MGAT5: variants seen among roughly 807,000 people sequenced by gnomAD.
MGAT5 encodes the protein alpha-1,6-mannosylglycoprotein 6-beta-N-acetylglucosaminyltransferase A.
A neutral mutation model predicts 94.3 loss-of-function variants in MGAT5; 30 were observed. The observed-to-expected ratio is 0.32, with a 90% CI of 0.24 to 0.43. The LOEUF is 0.43. MGAT5 is among the 20% of genes least tolerant of loss of function. The pLI is 1.00. For synonymous variants in MGAT5, 310 were observed against 322.9 expected (o/e 0.96, Z 0.43); for missense variants, 691 against 905.5 (o/e 0.76, Z 3.04).
chr2:134,258,704 T>C (rs1683135091), intron 1 of MGAT5, among the ~76,000 whole-genome samples: 1 of 152,240 alleles, frequency 6.6e-6, no homozygotes, highest in South Asian at 2.1e-4. Flanking sequence ...ACATAAAATG[T>C]AGCATTTCTC....
chr2:134,305,888 A>G (rs1686299910), intron 2 of MGAT5, among the ~76,000 whole-genome samples: 1 of 152,196 alleles, frequency 6.6e-6, no homozygotes, highest in African/African-American at 2.4e-5. Flanking sequence ...ACTCGAGAAT[A>G]TAATACAGTT....
intron 1 of MGAT5, among the ~76,000 whole-genome samples, chr2:134,131,506 G>A (rs1303275885): frequency 6.7e-6 from 1 of 148,828 alleles, no homozygotes; most frequent in East Asian, 2.0e-4. Flanking sequence ...TTAAAATAAT[G>A]TAAAACCTCT....
intron 4 of MGAT5, among the ~76,000 whole-genome samples, chr2:134,324,783 G>A (rs895040512): frequency 3.3e-5 from 5 of 151,942 alleles, no homozygotes; most frequent in African/African-American, 1.2e-4. Flanking sequence ...AAATATCACC[G>A]GATTGTTGCC....
chr2:134,264,024 T>TTTTG (rs1683513541), intron 1 of MGAT5, among the ~76,000 whole-genome samples: 1 of 142,886 alleles, frequency 7.0e-6, no homozygotes, highest in East Asian at 2.1e-4. Flanking sequence ...TAGGTTTTTT[T>TTTTG]TTTTTTTTTT....
chr2:134,370,210 A>G (rs895037820), intron 10 of MGAT5, among the ~76,000 whole-genome samples: 32 of 152,244 alleles, frequency 2.1e-4, no homozygotes, highest in Non-Finnish European at 4.4e-5. Flanking sequence ...GTTTTAATGA[A>G]CCACCCAAGA....
intron 10 of MGAT5, among the ~76,000 whole-genome samples, chr2:134,369,416 C>G (rs908783682): frequency 6.6e-6 from 1 of 152,152 alleles, no homozygotes; most frequent in African/African-American, 2.4e-5. Context: ...AAATGGGAAC[C>G]TGGCTCTGGG....
At chr2:134,237,992 G>A (rs186091616) in intron 1 of MGAT5, among the ~76,000 whole-genome samples, 102 of 152,030 alleles carry the variant, frequency 6.7e-4, no homozygotes, top group African/African-American at 2.0e-3. Flanking sequence ...CTTGTGATCC[G>A]CCCACCTTGA....
chr2:134,273,950 C>T (rs914901283), intron 2 of MGAT5, among the ~76,000 whole-genome samples: 4 of 152,158 alleles, frequency 2.6e-5, no homozygotes, highest in Admixed American at 6.5e-5. Context: ...TCTGAAAGGG[C>T]TTGAAGGGCC....
intron 15 of MGAT5, among the ~76,000 whole-genome samples, 167 bp from the exon 16 acceptor site, chr2:134,448,482 G>C (rs983071090): frequency 3.9e-5 from 6 of 152,188 alleles, no homozygotes; most frequent in Non-Finnish European, 8.8e-5. Flanking sequence ...TAGATGCCTA[G>C]AGGTGGAGGA....
intron 12 of MGAT5, among the ~76,000 whole-genome samples, chr2:134,416,266 C>T (rs1683957443): frequency 6.6e-6 from 1 of 152,170 alleles, no homozygotes; most frequent in Non-Finnish European, 1.5e-5. Flanking sequence ...AGAAATTCTG[C>T]ACACGTTAAA....
intron 12 of MGAT5, among the ~76,000 whole-genome samples, chr2:134,422,465 T>C (rs1412694259): frequency 1.3e-5 from 2 of 152,306 alleles, no homozygotes; most frequent in Non-Finnish European, 2.9e-5. Context: ...GGAGAATAGA[T>C]ACTGGTTTGA....
intron 2 of MGAT5, among the ~76,000 whole-genome samples, chr2:134,284,306 A>T (rs1026040299): frequency 2.0e-5 from 3 of 152,188 alleles, no homozygotes; most frequent in Non-Finnish European, 4.4e-5. Flanking sequence ...AAATTAGTCC[A>T]CTGCCTAAAT....
At position 134,166,423 on chromosome 2, in the gene MGAT5, A is replaced by G. The variant is rs565445893; in HGVS notation, c.-143+46132A>G. ...GCTTAAACATTCTGGGTTTCTGGGCATTTATTTACATCACACCTTGGACAC... is the reference window on the plus strand; with the variant it reads ...GCTTAAACATTCTGGGTTTCTGGGCGTTTATTTACATCACACCTTGGACAC... On this transcript the variant is annotated intron_variant, in intron 1 of 16. Coordinates refer to the MGAT5 transcript ENST00000409645. Among the ~76,000 whole-genome samples, 14 of 152,326 alleles carry G rather than the reference A, an allele frequency of 9.2e-5. No individual in the cohort carries two copies. In the South Asian group the frequency reaches 2.7e-3, roughly 29 times the overall value.
chr2:134,214,368 G>C (rs1049179436), intron 1 of MGAT5, among the ~76,000 whole-genome samples: 2 of 152,200 alleles, frequency 1.3e-5, no homozygotes, highest in Non-Finnish European at 2.9e-5. Context: ...AAATGCAGGA[G>C]TGTTCAATCT....
intron 9 of MGAT5, among the ~76,000 whole-genome samples, chr2:134,354,570 G>C (rs542934329): frequency 6.6e-6 from 1 of 152,102 alleles, no homozygotes; most frequent in Non-Finnish European, 1.5e-5. Context: ...TTCCTAAGTT[G>C]GTGGGGTTTC....
At chr2:134,445,388 G>A (rs1685713492) in intron 15 of MGAT5, among the ~76,000 whole-genome samples, 1 of 152,016 alleles carries the variant, frequency 6.6e-6, no homozygotes, top group Non-Finnish European at 1.5e-5. Context: ...AGGCAGAGCT[G>A]GAATGAACAG....
chr2:134,183,311 C>T (rs1182889270), intron 1 of MGAT5, among the ~76,000 whole-genome samples: 1 of 152,120 alleles, frequency 6.6e-6, no homozygotes, highest in Non-Finnish European at 1.5e-5. Flanking sequence ...TTACGTCACT[C>T]GTTGGGCTTT....
intron 1 of MGAT5, among the ~76,000 whole-genome samples, chr2:134,217,238 G>GGGGTGTGTGTGTGT (rs140177333): frequency 6.9e-6 from 1 of 145,114 alleles, no homozygotes; most frequent in African/African-American, 2.6e-5. Context: ...GAGAGAGAGT[G>GGGGTGTGTGTGTGT]GTGTGTGTGT....
intron 1 of MGAT5, among the ~76,000 whole-genome samples, chr2:134,194,195 G>T (rs1679382672): frequency 6.6e-6 from 1 of 152,168 alleles, no homozygotes; most frequent in Non-Finnish European, 1.5e-5. Flanking sequence ...TAGTTTTATT[G>T]CTAGTATTGT....
Sources: gnomAD v4.1 joint callset for allele counts (sites outside exome capture counted in the v4.1 genomes callset) on GRCh38, gnomAD v4.1.1 for gene constraint, MANE v1.5 for transcripts, NCBI Gene and HGNC (gene_info 2026-07-23, HGNC 2026-07-21) for gene names.